ST8SIA6: variants seen among roughly 807,000 people sequenced by gnomAD.
ST8SIA6 encodes the protein ST8 alpha-N-acetyl-neuraminide alpha-2,8-sialyltransferase 6, also known as alpha-2,8-sialyltransferase 8F.
In ST8SIA6, 39 loss-of-function variants were observed where a neutral mutation model predicts 33.6. That is an observed-to-expected ratio of 1.16 (90% CI 0.90 to 1.52). The LOEUF (loss-of-function observed/expected upper bound fraction) is 1.52, where lower values mean the gene tolerates loss of function less well. Ranked by LOEUF, ST8SIA6 falls within the 40% of genes most tolerant of loss-of-function variation. The pLI is 0.00. For synonymous variants in ST8SIA6, 172 were observed against 167.2 expected (o/e 1.03, Z -0.22); for missense variants, 441 against 443.8 (o/e 0.99, Z 0.06).
intron 2 of ST8SIA6, among the ~76,000 whole-genome samples, chr10:17,400,827 T>C (rs1378113601): frequency 6.6e-6 from 1 of 152,196 alleles, no homozygotes; most frequent in Admixed American, 6.5e-5. Context: ...AATATCATAC[T>C]GAATGGGCAA....
At chr10:17,376,988 C>T (rs1428946535) in intron 3 of ST8SIA6, among the ~76,000 whole-genome samples, 1 of 152,168 alleles carries the variant, frequency 6.6e-6, no homozygotes, top group Non-Finnish European at 1.5e-5. Flanking sequence ...CCAAGCTAAG[C>T]CATCATATCC....
intron 3 of ST8SIA6, among the ~76,000 whole-genome samples, chr10:17,383,752 G>A (rs1368243275): frequency 5.9e-5 from 9 of 152,196 alleles, no homozygotes; most frequent in Admixed American, 5.9e-4. Context: ...AAATATTCAT[G>A]AGTATCAAGC....
At position 17,414,844 on chromosome 10, in the gene ST8SIA6, T is replaced by G. The variant is rs139315122; in HGVS notation, c.201-24224A>C. On this transcript the variant is annotated intron_variant, in intron 2 of 7. Transcript: ENST00000377602. ...TGAGACTGTGGCTTCAACATGAATT[T>G]TGGGGAGACAGAATTCAGTCCTTCA... is the stretch of plus-strand genomic sequence containing the variant. Among the ~76,000 whole-genome samples the G allele has an allele frequency of 3.0e-3, 462 of 152,300 alleles. 11 individuals carry two copies. The highest frequency in any genetic ancestry group is 6.5e-4 in the Non-Finnish European group (44 of 68,020).
intron 5 of ST8SIA6, among the ~76,000 whole-genome samples, chr10:17,329,991 A>G (rs45556338): frequency 0.026 from 3,927 of 152,202 alleles, 68 homozygotes; most frequent in African/African-American, 0.047. Flanking sequence ...GGAGAGTTTC[A>G]TGCAGAAGGG....
At chr10:17,352,389 G>A (rs1849063399) in intron 4 of ST8SIA6, among the ~76,000 whole-genome samples, 1 of 152,044 alleles carries the variant, frequency 6.6e-6, no homozygotes, top group African/African-American at 2.4e-5. Context: ...TTAAAGCAAA[G>A]GATAGGAAGT....
intron 2 of ST8SIA6, among the ~76,000 whole-genome samples, chr10:17,447,131 C>G (rs767666600): frequency 2.6e-5 from 4 of 152,064 alleles, no homozygotes; most frequent in Non-Finnish European, 4.4e-5. Context: ...TAGCCCATGC[C>G]TGTAATCCCA....
intron 2 of ST8SIA6, among the ~76,000 whole-genome samples, chr10:17,435,710 G>C (rs1293966436): frequency 7.6e-6 from 1 of 131,322 alleles, no homozygotes. Context: ...AAAATGGGGG[G>C]TTGGGGGGGT....
intron 3 of ST8SIA6, among the ~76,000 whole-genome samples, chr10:17,383,122 T>C (rs940865056): frequency 1.3e-5 from 2 of 152,166 alleles, no homozygotes; most frequent in African/African-American, 4.8e-5. Context: ...ATGAAGGTTT[T>C]CACTTTTTTT....
At chr10:17,390,986 G>C (rs1414463032) in intron 2 of ST8SIA6, among the ~76,000 whole-genome samples, 1 of 151,816 alleles carries the variant, frequency 6.6e-6, no homozygotes, top group African/African-American at 2.4e-5. Context: ...AGCCTCCCGA[G>C]TAGCTAGGAT....
chr10:17,343,761 C>T (rs1465323283), intron 4 of ST8SIA6, among the ~76,000 whole-genome samples: 2 of 152,152 alleles, frequency 1.3e-5, no homozygotes, highest in Admixed American at 6.5e-5. Context: ...CAGGTTTACA[C>T]AGATAGAACG....
At position 17,411,697 on chromosome 10, in the gene ST8SIA6, C is replaced by G. The variant is rs563680408; in HGVS notation, c.201-21077G>C. ...AGCCCAGGTGCTTTGTCTCTATTTGCCTGCAAGACCTCTTTTCCAAGACAT... is the reference window on the plus strand; with the variant it reads ...AGCCCAGGTGCTTTGTCTCTATTTGGCTGCAAGACCTCTTTTCCAAGACAT... On this transcript the variant is annotated intron_variant, in intron 2 of 7. Coordinates refer to ENST00000377602, the MANE Select transcript of ST8SIA6 (RefSeq NM_001004470.3). Among the ~76,000 whole-genome samples the G allele has an allele frequency of 4.5e-4, 68 of 152,222 alleles. No homozygotes were observed. The South Asian group carries it at 9.1e-3, about 20-fold the overall frequency.
rs1001609173 is a variant in ST8SIA6 at position 17,317,195 on chromosome 10, G to A, written c.*3683C>T. Among the ~76,000 whole-genome samples, 12 of 152,086 alleles carry A rather than the reference G, an allele frequency of 7.9e-5. No homozygotes were observed. Among genetic ancestry groups the A allele is most frequent in the Non-Finnish European group, 1.5e-4 (10 of 68,008 alleles). ...CAATGTTTCAATATTATCTGCTAAA[G>A]AGTTTGCCCTGTCTCCATTACATAA... On this transcript the variant is annotated 3_prime_UTR_variant, in exon 8 of 8. Coordinates refer to ENST00000377602, the MANE Select transcript of ST8SIA6 (RefSeq NM_001004470.3).
At chr10:17,421,421 GA>G (rs1464968492) in intron 2 of ST8SIA6, among the ~76,000 whole-genome samples, 1 of 152,170 alleles carries the variant, frequency 6.6e-6, no homozygotes, top group African/African-American at 2.4e-5. Flanking sequence ...TAATACAAAA[GA>G]AATTGTATAG....
chr10:17,383,551 T>G (rs1208855676), intron 3 of ST8SIA6, among the ~76,000 whole-genome samples: 2 of 152,258 alleles, frequency 1.3e-5, no homozygotes, highest in Admixed American at 1.3e-4. Flanking sequence ...AATTGTGTTT[T>G]TTGACTATGG....
intron 2 of ST8SIA6, among the ~76,000 whole-genome samples, chr10:17,417,081 G>T (rs1203884194): frequency 6.6e-6 from 1 of 152,126 alleles, no homozygotes; most frequent in Non-Finnish European, 1.5e-5. Flanking sequence ...TCTGCTTCTG[G>T]TGAGGGATTC....
chr10:17,347,166 T>A (rs991866063), intron 4 of ST8SIA6, among the ~76,000 whole-genome samples: 1 of 152,190 alleles, frequency 6.6e-6, no homozygotes, highest in Non-Finnish European at 1.5e-5. Context: ...ACACTTAGAT[T>A]AGCATTTGAT....
chr10:17,433,339 T>G (rs990407480), intron 2 of ST8SIA6, among the ~76,000 whole-genome samples: 2 of 152,274 alleles, frequency 1.3e-5, no homozygotes, highest in South Asian at 2.1e-4. Flanking sequence ...AAAAAAATAA[T>G]CACAGGGCAT....
intron 3 of ST8SIA6, among the ~76,000 whole-genome samples, chr10:17,362,068 G>A (rs1274978450): frequency 6.6e-6 from 1 of 152,128 alleles, no homozygotes; most frequent in African/African-American, 2.4e-5. Context: ...AAGACTGAAT[G>A]ATGAATGCTT....
chr10:17,338,031 CTTTTTTTTTT>C (rs71393003), intron 4 of ST8SIA6, among the ~76,000 whole-genome samples: 1 of 131,466 alleles, frequency 7.6e-6, no homozygotes, highest in South Asian at 2.5e-4. Flanking sequence ...AAATACTATT[CTTTTTTTTTT>C]TTTTTTTTTT....
Sources: allele counts gnomAD v4.1 joint callset (sites outside exome capture counted in the v4.1 genomes callset), GRCh38; gene constraint gnomAD v4.1.1; transcripts MANE v1.5; gene names NCBI Gene and HGNC (gene_info 2026-07-23, HGNC 2026-07-21).